Variants in LUZP2 observed in about 807,000 individuals in gnomAD.
LUZP2 encodes leucine zipper protein 2.
Under a neutral mutation model 51.6 loss-of-function variants are expected in LUZP2, and 52 were observed. The observed-to-expected ratio is 1.01, with a 90% confidence interval of 0.81 to 1.27. LUZP2 has a LOEUF of 1.27. Ranked by LOEUF, LUZP2 falls within the 50% of genes most tolerant of loss-of-function variation. The probability of loss-of-function intolerance (pLI) is 0.00; values close to 1 mark genes in which losing one functional copy is unlikely to be tolerated. For synonymous variants in LUZP2, 154 were observed against 137.3 expected (o/e 1.12, Z -0.85); for missense variants, 436 against 395.4 (o/e 1.10, Z -0.87).
At chr11:24,958,686 T>A (rs1485918595) in intron 7 of LUZP2, among the ~76,000 whole-genome samples, 1 of 152,188 alleles carries the variant, frequency 6.6e-6, no homozygotes, top group African/African-American at 2.4e-5. Context: ...GTGAAAATTT[T>A]CTCCCATTTT....
intron 7 of LUZP2, among the ~76,000 whole-genome samples, chr11:24,952,211 C>T (rs1031269704): frequency 6.6e-6 from 1 of 151,552 alleles, no homozygotes; most frequent in Admixed American, 6.6e-5. Flanking sequence ...CGTTATTTTT[C>T]CACCATCTAT....
intron 7 of LUZP2, among the ~76,000 whole-genome samples, chr11:24,945,852 A>T (rs1003129034): frequency 2.0e-5 from 3 of 152,072 alleles, no homozygotes; most frequent in African/African-American, 7.2e-5. Context: ...TCCATTTAAA[A>T]TGTACAATTC....
intron 1 of LUZP2, among the ~76,000 whole-genome samples, chr11:24,642,036 C>A (rs529780619): frequency 6.6e-6 from 1 of 151,692 alleles, no homozygotes; most frequent in Non-Finnish European, 1.5e-5. Flanking sequence ...ACTACAGGTG[C>A]ATGCCTTCAC....
At chr11:25,036,746 T>C (rs1164035858) in intron 9 of LUZP2, among the ~76,000 whole-genome samples, 1 of 152,130 alleles carries the variant, frequency 6.6e-6, no homozygotes, top group Middle Eastern at 3.2e-3. Context: ...CAGGAGTACA[T>C]TGTTTAATTT....
chr11:25,042,540 G>T (rs796241615), intron 9 of LUZP2, among the ~76,000 whole-genome samples: 8 of 152,090 alleles, frequency 5.3e-5, no homozygotes. Context: ...TGGAAGAAGT[G>T]GTTGTTTTTG....
At chr11:25,071,857 AT>A (rs935383188) in intron 10 of LUZP2, among the ~76,000 whole-genome samples, 3 of 147,892 alleles carry the variant, frequency 2.0e-5, no homozygotes, top group African/African-American at 7.5e-5. Flanking sequence ...ATAAAAAAAA[AT>A]AAATAAATCA....
chr11:24,998,447 T>C (rs1312630992), intron 9 of LUZP2, among the ~76,000 whole-genome samples: 3 of 152,208 alleles, frequency 2.0e-5, no homozygotes, highest in African/African-American at 7.2e-5. Context: ...ATAAGAATGC[T>C]TGTGATTTTT....
chr11:24,519,619 C>T (rs1850581477), intron 1 of LUZP2, among the ~76,000 whole-genome samples: 1 of 152,056 alleles, frequency 6.6e-6, no homozygotes, highest in Non-Finnish European at 1.5e-5. Flanking sequence ...ATCCAGGATA[C>T]AGCTTCAGTG....
At chr11:25,036,475 C>A (rs1406823369) in intron 9 of LUZP2, among the ~76,000 whole-genome samples, 1 of 151,398 alleles carries the variant, frequency 6.6e-6, no homozygotes, top group Non-Finnish European at 1.5e-5. Flanking sequence ...TCATTCAGTT[C>A]TTCTCTAGTT....
chr11:24,567,747 C>A (rs1214476545), intron 1 of LUZP2, among the ~76,000 whole-genome samples: 1 of 151,776 alleles, frequency 6.6e-6, no homozygotes, highest in Non-Finnish European at 1.5e-5. Flanking sequence ...AGCTTCATTT[C>A]CAAAATGAAG....
intron 5 of LUZP2, among the ~76,000 whole-genome samples, chr11:24,814,741 C>G (rs1850123419): frequency 6.6e-6 from 1 of 152,096 alleles, no homozygotes. Flanking sequence ...GCCTGTAATC[C>G]CAGCACTTTG....
chr11:25,016,278 A>G (rs1024042610), intron 9 of LUZP2, among the ~76,000 whole-genome samples: 5 of 151,922 alleles, frequency 3.3e-5, no homozygotes, highest in Admixed American at 6.6e-5. Flanking sequence ...TACCCAACAT[A>G]TAATTATTTA....
chr11:24,805,757 A>G (rs1286412265), intron 5 of LUZP2, among the ~76,000 whole-genome samples: 1 of 152,176 alleles, frequency 6.6e-6, no homozygotes, highest in Non-Finnish European at 1.5e-5. Flanking sequence ...CAAAAATTCA[A>G]AACTAAGTAG....
intron 7 of LUZP2, among the ~76,000 whole-genome samples, chr11:24,961,238 A>C (rs542072024): frequency 6.6e-6 from 1 of 152,222 alleles, no homozygotes; most frequent in South Asian, 2.1e-4. Context: ...TTTGGGGTGG[A>C]GAGTTCTGTA....
chr11:24,916,125 C>T lies in LUZP2; in HGVS notation c.522+1587C>T, dbSNP rs140202111. ...CAAGGCATAATGATGAATTAAGTGCCCTTATTAATGCTTGAGAGCTGCCTT... is the reference window on the plus strand; with the variant it reads ...CAAGGCATAATGATGAATTAAGTGCTCTTATTAATGCTTGAGAGCTGCCTT... On this transcript the variant is annotated intron_variant, in intron 7 of 11. Coordinates refer to ENST00000336930, the MANE Select transcript of LUZP2 (RefSeq NM_001009909.4). Among the ~76,000 whole-genome samples the T allele has an allele frequency of 3.4e-3, 510 of 151,626 alleles. 3 individuals are homozygous for T. The highest frequency in any genetic ancestry group is 0.011 in the African/African-American group (470 of 41,328).
chr11:24,534,924 T>C (rs1851126799), intron 1 of LUZP2, among the ~76,000 whole-genome samples: 1 of 151,412 alleles, frequency 6.6e-6, no homozygotes, highest in Non-Finnish European at 1.5e-5. Flanking sequence ...TTAGAGATTT[T>C]CCACCATAAA....
intron 9 of LUZP2, among the ~76,000 whole-genome samples, chr11:24,983,546 C>CA (rs1336773585): frequency 1.3e-5 from 2 of 151,500 alleles, no homozygotes; most frequent in Non-Finnish European, 3.0e-5. Flanking sequence ...TAACACAAAA[C>CA]AAAAACTAAT....
chr11:24,639,731 G>A (rs1338653061), intron 1 of LUZP2, among the ~76,000 whole-genome samples: 3 of 151,798 alleles, frequency 2.0e-5, no homozygotes, highest in Non-Finnish European at 4.4e-5. Context: ...GATTACAGGC[G>A]TGAGCCACTG....
chr11:24,565,255 G>A (rs1249853643), intron 1 of LUZP2, among the ~76,000 whole-genome samples: 2 of 151,916 alleles, frequency 1.3e-5, no homozygotes, highest in Non-Finnish European at 2.9e-5. Context: ...CCCCAGAAAA[G>A]CAGATGCATT....
Sources: allele counts gnomAD v4.1 joint callset (sites outside exome capture counted in the v4.1 genomes callset), GRCh38; gene constraint gnomAD v4.1.1; transcripts MANE v1.5; gene names NCBI Gene and HGNC (gene_info 2026-07-23, HGNC 2026-07-21).